Variants in RBFOX2 observed in about 807,000 individuals in gnomAD.
RBFOX2 encodes the protein RNA binding fox-1 homolog 2.
In RBFOX2, 10 loss-of-function variants were observed where a neutral mutation model predicts 49.1. That is an observed-to-expected ratio of 0.20 (90% CI 0.13 to 0.35). The LOEUF (loss-of-function observed/expected upper bound fraction) is 0.35, where lower values mean the gene tolerates loss of function less well. RBFOX2 is among the 10% of genes least tolerant of loss of function. RBFOX2 has a pLI of 1.00. For missense variants in RBFOX2, 323 were observed against 486.9 expected, an observed-to-expected ratio of 0.66 and a Z score of 3.17; for synonymous variants, 183 against 187.4, an observed-to-expected ratio of 0.98 and a Z score of 0.19.
chr22:35,839,458 G>GAGAGA (rs997235276), intron 1 of RBFOX2, among the ~76,000 whole-genome samples: 7 of 152,128 alleles, frequency 4.6e-5, no homozygotes, highest in Non-Finnish European at 7.4e-5. Context: ...GAGTGGGAGA[G>GAGAGA]AGAGAAGAGA....
chr22:36,005,306 A>C (rs1260825877), intron 1 of RBFOX2, among the ~76,000 whole-genome samples: 2 of 152,234 alleles, frequency 1.3e-5, no homozygotes, highest in Non-Finnish European at 2.9e-5. Flanking sequence ...AAGCACACTA[A>C]GAGTCTAGAA....
chr22:35,926,937 A>C (rs1239161413), intron 1 of RBFOX2, among the ~76,000 whole-genome samples: 1 of 152,228 alleles, frequency 6.6e-6, no homozygotes, highest in Non-Finnish European at 1.5e-5. Context: ...TATTTTCACA[A>C]CATCAGGCAA....
chr22:35,896,990 A>G (rs2047927819), intron 1 of RBFOX2, among the ~76,000 whole-genome samples: 1 of 152,244 alleles, frequency 6.6e-6, no homozygotes, highest in South Asian at 2.1e-4. Context: ...TACATGGCTC[A>G]TGCCCTAAAT....
At chr22:35,781,462 T>C in intron 3 of RBFOX2, 138 bp downstream of exon 4, 1 of 1,167,908 alleles carries the variant, frequency 8.6e-7, no homozygotes, top group Non-Finnish European at 1.2e-6. Context: ...TTCTAAAGAC[T>C]GATGAAAAGA....
chr22:35,797,688 T>C (rs1475673734), intron 2 of RBFOX2, among the ~76,000 whole-genome samples: 1 of 152,202 alleles, frequency 6.6e-6, no homozygotes, highest in Non-Finnish European at 1.5e-5. Context: ...AAAGCAAATA[T>C]AGTGAAAACA....
intron 1 of RBFOX2, among the ~76,000 whole-genome samples, chr22:35,899,523 T>G (rs1193924158): frequency 6.7e-6 from 1 of 150,108 alleles, no homozygotes; most frequent in Admixed American, 6.6e-5. Context: ...TCTTTTTTAT[T>G]CATGCTCCTG....
At chr22:35,805,726 A>T (rs940120506) in intron 2 of RBFOX2, among the ~76,000 whole-genome samples, 3 of 152,356 alleles carry the variant, frequency 2.0e-5, no homozygotes, top group East Asian at 3.9e-4. Flanking sequence ...AGCAACCAAG[A>T]TGCCCTTAAA....
intron 1 of RBFOX2, among the ~76,000 whole-genome samples, chr22:35,989,414 G>T (rs2057867449): frequency 6.6e-6 from 1 of 152,068 alleles, no homozygotes; most frequent in Admixed American, 6.6e-5. Context: ...CAAGGACAAA[G>T]ATGACACAAA....
intron 1 of RBFOX2, among the ~76,000 whole-genome samples, chr22:35,893,432 T>C (rs1236357298): frequency 6.6e-6 from 1 of 152,204 alleles, no homozygotes; most frequent in East Asian, 1.9e-4. Flanking sequence ...ATGAGATTAA[T>C]TCAACTTGCT....
chr22:35,959,887 T>C (rs1336154549), intron 1 of RBFOX2, among the ~76,000 whole-genome samples: 1 of 152,230 alleles, frequency 6.6e-6, no homozygotes, highest in African/African-American at 2.4e-5. Context: ...TAGCACAGTA[T>C]TTACATATAA....
At chr22:35,812,844 C>G (rs1386336402) in intron 1 of RBFOX2, among the ~76,000 whole-genome samples, 1 of 152,234 alleles carries the variant, frequency 6.6e-6, no homozygotes, top group Non-Finnish European at 1.5e-5. Context: ...GAATGAGACT[C>G]TGGCACACAA....
intron 2 of RBFOX2, among the ~76,000 whole-genome samples, chr22:35,804,810 G>A (rs1435928793): frequency 6.6e-6 from 1 of 151,978 alleles, no homozygotes; most frequent in Non-Finnish European, 1.5e-5. Context: ...TGGACCTATA[G>A]GAAGACATGA....
chr22:35,802,977 C>A (rs1950048261), intron 2 of RBFOX2, among the ~76,000 whole-genome samples: 1 of 152,152 alleles, frequency 6.6e-6, no homozygotes, highest in African/African-American at 2.4e-5. Flanking sequence ...TGTTTGAACA[C>A]CACCTCTGCA....
At chr22:35,995,057 A>T (rs1204836110) in intron 1 of RBFOX2, 1 of 152,264 alleles carries the variant, frequency 6.6e-6, no homozygotes. Flanking sequence ...CCTTCATGAA[A>T]GAAAAGAAAG....
chr22:35,761,010 TG>T (rs764014767), intron 8 of RBFOX2, among the ~76,000 whole-genome samples, 191 bp downstream of exon 9: 15 of 152,222 alleles, frequency 9.9e-5, no homozygotes, highest in Non-Finnish European at 2.1e-4. Flanking sequence ...ATTTCTGCTT[TG>T]TGCAATCTTA....
At chr22:35,926,685 A>T (rs1309925387) in intron 1 of RBFOX2, among the ~76,000 whole-genome samples, 2 of 152,194 alleles carry the variant, frequency 1.3e-5, no homozygotes, top group Non-Finnish European at 2.9e-5. Flanking sequence ...TGAGAATAAA[A>T]GCCAGCCATA....
intron 1 of RBFOX2, among the ~76,000 whole-genome samples, chr22:35,923,312 G>A (rs2051235360): frequency 6.6e-6 from 1 of 152,100 alleles, no homozygotes; most frequent in South Asian, 2.1e-4. Context: ...ATGGGGGAAA[G>A]GGCTCCAGGC....
At chr22:35,741,367 C>T (rs1465353383) in exon 12 of RBFOX2, 1 of 152,288 alleles carries the variant, frequency 6.6e-6, no homozygotes, top group African/African-American at 2.4e-5. Context: ...CATCCTCTAA[C>T]AAACTCACGA....
chr22:35,796,267 T>C (rs907353817), intron 2 of RBFOX2, among the ~76,000 whole-genome samples: 3 of 152,202 alleles, frequency 2.0e-5, no homozygotes, highest in African/African-American at 4.8e-5. Context: ...TTTATGGCAT[T>C]AGAAATTGAA....
Sources: allele counts gnomAD v4.1 joint callset (sites outside exome capture counted in the v4.1 genomes callset), GRCh38; gene constraint gnomAD v4.1.1; transcripts MANE v1.5; gene names NCBI Gene and HGNC (gene_info 2026-07-23, HGNC 2026-07-21).